Variants in LRRTM4 observed in about 807,000 individuals in gnomAD.
LRRTM4 encodes the protein leucine-rich repeat transmembrane neuronal protein 4.
Under a neutral mutation model 47.6 loss-of-function variants are expected in LRRTM4, and 25 were observed. The observed-to-expected ratio is 0.53, with a 90% CI of 0.38 to 0.73. The LOEUF is 0.73. Among genes scored for constraint, LRRTM4 ranks in the 30% least tolerant of loss-of-function variants. The pLI is 0.00. For synonymous variants in LRRTM4, 311 were observed against 269.5 expected (o/e 1.15, Z -1.51); for missense variants, 638 against 713.4 (o/e 0.89, Z 1.20).
intron 3 of LRRTM4, among the ~76,000 whole-genome samples, chr2:77,497,166 G>T (rs1375310622): frequency 6.6e-6 from 1 of 151,484 alleles, no homozygotes; most frequent in Admixed American, 6.6e-5. Context: ...TCTGATATTG[G>T]TAATTTGTAT....
At chr2:76,842,266 T>C (rs72819236) in intron 3 of LRRTM4, among the ~76,000 whole-genome samples, 14,175 of 152,174 alleles carry the variant, frequency 0.093, 1,203 homozygotes, top group African/African-American at 0.21. Flanking sequence ...TTAGAATCCA[T>C]TGGCTCTCTG....
chr2:76,968,392 A>G (rs1302392228), intron 3 of LRRTM4, among the ~76,000 whole-genome samples: 1 of 142,756 alleles, frequency 7.0e-6, no homozygotes, highest in Non-Finnish European at 1.5e-5. Context: ...ATACACATAC[A>G]TACATACATA....
intron 3 of LRRTM4, among the ~76,000 whole-genome samples, chr2:76,768,480 C>T (rs1673544565): frequency 6.6e-6 from 1 of 152,060 alleles, no homozygotes; most frequent in Non-Finnish European, 1.5e-5. Flanking sequence ...ACGGTTTCTT[C>T]AAAGAGGTAT....
chr2:77,462,255 G>A (rs982701970), intron 3 of LRRTM4, among the ~76,000 whole-genome samples: 2 of 151,942 alleles, frequency 1.3e-5, no homozygotes, highest in Middle Eastern at 3.2e-3. Context: ...TCCAGTATGT[G>A]GTGAAATATC....
intron 3 of LRRTM4, among the ~76,000 whole-genome samples, chr2:76,887,167 A>G (rs1673102941): frequency 6.6e-6 from 1 of 151,854 alleles, no homozygotes; most frequent in Non-Finnish European, 1.5e-5. Context: ...CTTACCATAA[A>G]GAAGTATACA....
chr2:76,876,343 C>A (rs1372611209), intron 3 of LRRTM4, among the ~76,000 whole-genome samples: 1 of 152,080 alleles, frequency 6.6e-6, no homozygotes, highest in African/African-American at 2.4e-5. Flanking sequence ...TACAACCTTG[C>A]ATTACTGCAT....
chr2:77,242,683 A>C (rs1002622563), intron 3 of LRRTM4, among the ~76,000 whole-genome samples: 4 of 116,700 alleles, frequency 3.4e-5, no homozygotes, highest in Non-Finnish European at 6.4e-5. Context: ...CAAAGAAAAG[A>C]AAAGCAAAAA....
In LRRTM4 at chr2:76,945,099, T is replaced by C. The variant is rs184122727; in HGVS notation, c.1552-196183A>G. On this transcript the variant is annotated intron_variant, in intron 3 of 3. Transcript: ENST00000409884. ...TGTGTTTTTTGGCCAAGGTCACAGA[T>C]AAAGTAAAAATCAGCATATTACACA... Among the ~76,000 whole-genome samples the C allele has an allele frequency of 3.3e-5, 5 of 152,194 alleles. No individual in the cohort carries two copies. The East Asian group carries it at 7.7e-4, about 24-fold the overall frequency.
chr2:77,108,880 T>C (rs1278767326), intron 3 of LRRTM4, among the ~76,000 whole-genome samples: 1 of 152,106 alleles, frequency 6.6e-6, no homozygotes, highest in African/African-American at 2.4e-5. Context: ...ACCAAAAACA[T>C]TAAAGAATAA....
chr2:77,286,850 A>T (rs1676677813), intron 3 of LRRTM4, among the ~76,000 whole-genome samples: 2 of 152,130 alleles, frequency 1.3e-5, no homozygotes. Flanking sequence ...CCTACTGAAA[A>T]TTAATTTTAT....
intron 3 of LRRTM4, among the ~76,000 whole-genome samples, chr2:77,240,582 T>G (rs945205179): frequency 1.3e-5 from 2 of 151,836 alleles, no homozygotes; most frequent in African/African-American, 4.8e-5. Flanking sequence ...TCCAGCATAA[T>G]AAGACAAGAA....
intron 3 of LRRTM4, among the ~76,000 whole-genome samples, chr2:76,954,773 C>T (rs75313601): frequency 2.2e-4 from 34 of 151,640 alleles, no homozygotes; most frequent in African/African-American, 6.8e-4. Flanking sequence ...ATAATGAAAA[C>T]AATTTCTAAG....
chr2:77,187,295 C>T (rs947613649), intron 3 of LRRTM4, among the ~76,000 whole-genome samples: 1 of 152,260 alleles, frequency 6.6e-6, no homozygotes, highest in East Asian at 1.9e-4. Flanking sequence ...TGCTTGGCCT[C>T]TTTGCCTGCC....
At chr2:77,397,052 G>C (rs1172509248) in intron 3 of LRRTM4, among the ~76,000 whole-genome samples, 1 of 151,828 alleles carries the variant, frequency 6.6e-6, no homozygotes, top group East Asian at 1.9e-4. Context: ...AGTGTAAAGA[G>C]GATGCATTGT....
chr2:76,812,729 T>TCTCCTCCTCCTCCTCCTCTCC (rs1553413513), intron 3 of LRRTM4, among the ~76,000 whole-genome samples: 1 of 121,426 alleles, frequency 8.2e-6, no homozygotes, highest in African/African-American at 3.5e-5. Context: ...TTTCTCTTTT[T>TCTCCTCCTCCTCCTCCTCTCC]CTCCTCCTCC....
At chr2:76,897,383 T>G (rs1229549943) in intron 3 of LRRTM4, among the ~76,000 whole-genome samples, 1 of 152,146 alleles carries the variant, frequency 6.6e-6, no homozygotes, top group Non-Finnish European at 1.5e-5. Context: ...CAGCTATTTT[T>G]ATTACCAACT....
At chr2:76,958,930 C>T (rs924849175) in intron 3 of LRRTM4, among the ~76,000 whole-genome samples, 1 of 151,628 alleles carries the variant, frequency 6.6e-6, no homozygotes, top group Non-Finnish European at 1.5e-5. Flanking sequence ...ACTTGGAAAA[C>T]GCTTGTGTAG....
intron 3 of LRRTM4, among the ~76,000 whole-genome samples, chr2:77,463,006 A>G (rs1332217034): frequency 1.3e-5 from 2 of 152,112 alleles, no homozygotes; most frequent in East Asian, 1.9e-4. Flanking sequence ...GATTCTATCA[A>G]TTTAGTAAAT....
At chr2:77,081,603 G>A (rs62170952) in intron 3 of LRRTM4, among the ~76,000 whole-genome samples, 17,505 of 151,606 alleles carry the variant, frequency 0.12, 1,249 homozygotes, top group East Asian at 0.17. Context: ...TTGTACATAG[G>A]TGACTTTCTT....
Sources: gnomAD v4.1 joint callset for allele counts (sites outside exome capture counted in the v4.1 genomes callset) on GRCh38, gnomAD v4.1.1 for gene constraint, MANE v1.5 for transcripts, NCBI Gene and HGNC (gene_info 2026-07-23, HGNC 2026-07-21) for gene names.